The following IQUB variants were observed in gnomAD, a reference collection of about 807,000 sequenced individuals.
IQUB encodes the protein IQ motif and ubiquitin domain containing.
IQUB carries 86 observed loss-of-function variants against 86.4 expected under a neutral mutation model. The observed-to-expected ratio is 1.00, with a 90% CI of 0.84 to 1.19. The LOEUF (loss-of-function observed/expected upper bound fraction) is 1.19, where lower values mean the gene tolerates loss of function less well. Ranked by LOEUF, IQUB falls within the 50% of genes most tolerant of loss-of-function variation. IQUB has a pLI of 0.00. For missense variants in IQUB, 946 were observed against 916.9 expected, an observed-to-expected ratio of 1.03 and a Z score of -0.41; for synonymous variants, 289 against 304.5, an observed-to-expected ratio of 0.95 and a Z score of 0.53.
intron 1 of IQUB, among the ~76,000 whole-genome samples, chr7:123,521,681 C>CACACACAGAG (rs533866528): frequency 2.0e-5 from 3 of 151,018 alleles, no homozygotes; most frequent in Admixed American, 6.6e-5. Flanking sequence ...CACACACACA[C>CACACACAGAG]AGAGATCACA....
intron 3 of IQUB, among the ~76,000 whole-genome samples, chr7:123,504,980 G>A (rs1164454194): frequency 1.3e-5 from 2 of 152,210 alleles, no homozygotes; most frequent in Admixed American, 1.3e-4. Context: ...ATACAATGGA[G>A]ATATAGGCAT....
Position 123,512,186 on chromosome 7 carries a change from A to G in IQUB, c.155T>C (p.Phe52Ser), listed in dbSNP as rs767684170. The G allele has an allele frequency of 1.2e-6, 2 of 1,614,026 alleles. No homozygotes were observed. Among genetic ancestry groups the G allele is most frequent in the Non-Finnish European group, 1.7e-6 (2 of 1,179,938 alleles). The change falls in exon 2 of 13, where the codon TTC becomes TCC. Residue 52 changes from phenylalanine (F) to serine (S), a missense_variant. Physicochemically the swap from Phe to Ser is radical, Grantham distance 155. Transcript: ENST00000324698. Reference sequence around the variant, plus strand: ...AACATGTATTGCATGGCTCTCACTGAATTGTTCTATTCCAGATTCATGCTC... The same window carrying G: ...AACATGTATTGCATGGCTCTCACTGGATTGTTCTATTCCAGATTCATGCTC... ...TEEHESGIEQ[F>S]SESHAIHVEE... is the part of the protein sequence containing the mutation.
At chr7:123,462,897 TA>T (rs1794067824) in intron 10 of IQUB, 1 of 451,646 alleles carries the variant, frequency 2.2e-6, no homozygotes, top group East Asian at 7.0e-5. Context: ...GGGCTCCATT[TA>T]AGCTACAGAA....
intron 7 of IQUB, among the ~76,000 whole-genome samples, chr7:123,490,459 T>A (rs1264055631): frequency 6.6e-6 from 1 of 152,144 alleles, no homozygotes; most frequent in Non-Finnish European, 1.5e-5. Context: ...GAGATTTCAA[T>A]ACCCCCTCAC....
At chr7:123,503,766 G>A (rs948908648) in intron 3 of IQUB, among the ~76,000 whole-genome samples, 20 of 151,590 alleles carry the variant, frequency 1.3e-4, no homozygotes, top group South Asian at 4.2e-4. Context: ...AACACATATC[G>A]TTTAATTATT....
chr7:123,502,962 T>G lies in IQUB; in HGVS notation c.849A>C (p.Ile283=), dbSNP rs1239230611. The change falls in exon 5 of 13, where the codon ATA becomes ATC. Residue 283 remains isoleucine (I), a synonymous_variant. Coordinates refer to ENST00000324698, the MANE Select transcript of IQUB (RefSeq NM_178827.5). ...ACATTACCTGCGTATCCCTACAAAA[T>G]ATACTGAGTCTTTCGGGAATCCTTT... ...VPKRIPERLS[I]FCRDTQTVFQ... The G allele has an allele frequency of 1.2e-6, 2 of 1,611,540 alleles. No homozygotes were observed. The highest frequency in any genetic ancestry group is 8.5e-7 in the Non-Finnish European group (1 of 1,179,050).
At chr7:123,472,806 G>A (rs1451386268) in intron 8 of IQUB, among the ~76,000 whole-genome samples, 2 of 152,272 alleles carry the variant, frequency 1.3e-5, no homozygotes, top group Non-Finnish European at 2.9e-5. Flanking sequence ...TCTGACGCAG[G>A]AAAAATGTCA....
At chr7:123,492,963 C>T (rs1795537147) in intron 7 of IQUB, among the ~76,000 whole-genome samples, 1 of 152,184 alleles carries the variant, frequency 6.6e-6, no homozygotes, top group South Asian at 2.1e-4. Context: ...GTTGCAGGCT[C>T]AATCTCTCTT....
At chr7:123,502,232 T>G in intron 6 of IQUB, 1 of 195,306 alleles carries the variant, frequency 5.1e-6, no homozygotes, top group Admixed American at 6.2e-5. Context: ...TATGTTAATA[T>G]CAGAGAAAAT....
At chr7:123,515,520 A>G (rs970904646) in intron 1 of IQUB, among the ~76,000 whole-genome samples, 4 of 152,200 alleles carry the variant, frequency 2.6e-5, no homozygotes, top group Non-Finnish European at 5.9e-5. Context: ...AGGTTGAGGC[A>G]AGTGAAGTGC....
chr7:123,492,520 G>A (rs1795518196), intron 7 of IQUB, among the ~76,000 whole-genome samples: 2 of 152,044 alleles, frequency 1.3e-5, no homozygotes, highest in South Asian at 4.2e-4. Flanking sequence ...AAACTAATAG[G>A]ACTTATTGAA....
intron 1 of IQUB, among the ~76,000 whole-genome samples, chr7:123,517,530 CAAAAA>C (rs374712007): frequency 4.5e-5 from 1 of 22,452 alleles, no homozygotes; most frequent in Non-Finnish European, 7.5e-5. Flanking sequence ...GACTCCATCT[CAAAAA>C]AAAAAAAAAA....
intron 10 of IQUB, among the ~76,000 whole-genome samples, chr7:123,463,055 C>T (rs574123459): frequency 6.6e-6 from 1 of 151,554 alleles, no homozygotes; most frequent in African/African-American, 2.4e-5. Context: ...TTAAATCCAG[C>T]CAGTAGTTTG....
chr7:123,505,356 G>A (rs1796128801), intron 3 of IQUB, among the ~76,000 whole-genome samples: 1 of 152,156 alleles, frequency 6.6e-6, no homozygotes, highest in Admixed American at 6.5e-5. Context: ...CTCTGTGTGG[G>A]GGCTCCAATC....
chr7:123,489,113 G>A (rs538097361), intron 7 of IQUB, among the ~76,000 whole-genome samples: 1 of 152,322 alleles, frequency 6.6e-6, no homozygotes, highest in African/African-American at 2.4e-5. Flanking sequence ...TGGTTACCTT[G>A]CAGGAGTGGA....
intron 6 of IQUB, 144 bp downstream of exon 6, chr7:123,502,452 AG>A: frequency 4.5e-6 from 3 of 665,734 alleles, no homozygotes; most frequent in Non-Finnish European, 7.7e-6. Context: ...CTGGAGATAA[AG>A]ACTGCTTTGT....
Position 123,510,018 on chromosome 7 carries a change from G to C in IQUB, c.415C>G (p.Pro139Ala). The part of the protein sequence containing the change: ...SLATVKVVLI[P>A]VGQEIVIPFK... ...GGTATTACAATTTCCTGGCCCACTG[G>C]AATAAGTACAACTTTTACTGTAAAT... The change falls in exon 3 of 13, where the codon CCA (proline) becomes GCA (alanine). Residue 139 changes from proline (P) to alanine (A), a missense_variant. By Grantham distance (27) the Pro-to-Ala change is conservative (BLOSUM62 -1). Transcript: ENST00000324698. 6.4e-7 allele frequency: 1 copy of C among 1,568,772 alleles called. No homozygotes were observed. The highest frequency in any genetic ancestry group is 8.7e-7 in the Non-Finnish European group (1 of 1,149,438).
At chr7:123,453,890 AATTAATAAATATAATCTATTACCT>A (rs1793568634) in intron 12 of IQUB, among the ~76,000 whole-genome samples, 1 of 152,202 alleles carries the variant, frequency 6.6e-6, no homozygotes, top group Non-Finnish European at 1.5e-5. Context: ...ATTCTGGTTA[AATTAATAAATATAATCTATTACCT>A]ATTAATCTTA....
chr7:123,514,928 CT>C (rs1348096252), intron 1 of IQUB, among the ~76,000 whole-genome samples: 1 of 152,120 alleles, frequency 6.6e-6, no homozygotes, highest in African/African-American at 2.4e-5. Flanking sequence ...TAACCTTAGA[CT>C]TTGTTACTTA....
Sources: allele counts gnomAD v4.1 joint callset (sites outside exome capture counted in the v4.1 genomes callset), GRCh38; gene constraint gnomAD v4.1.1; transcripts MANE v1.5; gene names NCBI Gene and HGNC (gene_info 2026-07-23, HGNC 2026-07-21).